OCLN: variants seen among roughly 807,000 people sequenced by gnomAD.
OCLN encodes the protein occludin.
Under a neutral mutation model 47.9 loss-of-function variants are expected in OCLN, and 21 were observed. The ratio of observed to expected loss-of-function variants is 0.44; its 90% confidence interval spans 0.31 to 0.63. The LOEUF (loss-of-function observed/expected upper bound fraction) is 0.63, where lower values mean the gene tolerates loss of function less well. Ranked by LOEUF, OCLN falls within the 30% of genes least tolerant of loss-of-function variation. The probability of loss-of-function intolerance (pLI) is 0.08; values close to 1 mark genes in which losing one functional copy is unlikely to be tolerated. For synonymous variants in OCLN, 117 were observed against 198.4 expected (o/e 0.59, Z 3.45); for missense variants, 360 against 571.0 (o/e 0.63, Z 3.77).
chr5:69,496,214 T>C (rs1334693968), intron 1 of OCLN, among the ~76,000 whole-genome samples: 1 of 151,906 alleles, frequency 6.6e-6, no homozygotes, highest in Non-Finnish European at 1.5e-5. Context: ...TTCTCCTGCC[T>C]CGGCCTCCCG....
chr5:69,495,227 A>G (rs920747518), intron 1 of OCLN, among the ~76,000 whole-genome samples: 1 of 152,194 alleles, frequency 6.6e-6, no homozygotes, highest in Non-Finnish European at 1.5e-5. Context: ...TGGAAATAAG[A>G]GAGTAAACAG....
chr5:69,506,112 T>G (rs1768592041), intron 2 of OCLN, among the ~76,000 whole-genome samples: 2 of 152,124 alleles, frequency 1.3e-5, no homozygotes, highest in Non-Finnish European at 2.9e-5. Flanking sequence ...CTTGCAGAAC[T>G]CAGGGAAACA....
chr5:69,501,354 G>T (rs1768453926), intron 1 of OCLN, among the ~76,000 whole-genome samples: 1 of 152,204 alleles, frequency 6.6e-6, no homozygotes, highest in African/African-American at 2.4e-5. Context: ...AATTGGCCAG[G>T]TGTATTGGCT....
At chr5:69,494,035 G>C (rs919049274) in intron 1 of OCLN, among the ~76,000 whole-genome samples, 1 of 152,234 alleles carries the variant, frequency 6.6e-6, no homozygotes, top group Non-Finnish European at 1.5e-5. Context: ...TTAGGCAACA[G>C]GTGTATTATT....
At chr5:69,520,115 T>C (rs555448266) in intron 4 of OCLN, among the ~76,000 whole-genome samples, 77 of 151,914 alleles carry the variant, frequency 5.1e-4, no homozygotes, top group African/African-American at 1.8e-3. Flanking sequence ...CCTGCCACCA[T>C]GTGCAGCTAC....
At chr5:69,497,016 C>T (rs1768311782) in intron 1 of OCLN, among the ~76,000 whole-genome samples, 2 of 152,212 alleles carry the variant, frequency 1.3e-5, no homozygotes, top group Admixed American at 1.3e-4. Context: ...CATTGGTCCT[C>T]TTTCACCTTT....
chr5:69,522,921 GT>G lies in OCLN; in HGVS notation c.891+8814del, dbSNP rs1389806911. On this transcript the variant is annotated intron_variant, in intron 4 of 8. Transcript: ENST00000396442. ...TTTTTTTTTTTAAAGTAGAGACAGAGTTCGCTATGTCGCCCAGGCTATTCTT... is the reference window on the plus strand; with the variant it reads ...TTTTTTTTTTTAAAGTAGAGACAGAGTCGCTATGTCGCCCAGGCTATTCTT... Among the ~76,000 whole-genome samples, 3 of 34,788 alleles carry G rather than the reference GT, an allele frequency of 8.6e-5. No individual in the cohort carries two copies. The East Asian group carries it at 1.9e-3, about 23-fold the overall frequency. 22.8% of individuals were successfully genotyped at this position (34,788 alleles called of 152,430 possible). A position where few individuals can be genotyped will look rare whatever the true frequency, so the allele number is the denominator to read the frequency against.
At chr5:69,504,318 T>G in intron 2 of OCLN, 24 bp downstream of exon 2, 1 of 1,440,258 alleles carries the variant, frequency 6.9e-7, no homozygotes, top group Non-Finnish European at 9.8e-7. Flanking sequence ...TCTTTAGTTA[T>G]TCTCTTTTAA....
chr5:69,529,894 G>A (rs138877569), intron 4 of OCLN, among the ~76,000 whole-genome samples: 6 of 152,122 alleles, frequency 3.9e-5, no homozygotes, highest in Admixed American at 1.3e-4. Flanking sequence ...ATGAGCTACC[G>A]CACCTGGCCT....
intron 3 of OCLN, among the ~76,000 whole-genome samples, chr5:69,512,524 AT>A (rs1768816807): frequency 6.6e-6 from 1 of 152,158 alleles, no homozygotes; most frequent in East Asian, 1.9e-4. Flanking sequence ...TTTTGGCTAG[AT>A]TCTGGATTCC....
chr5:69,509,093 TTAC>T (rs1254173720), intron 2 of OCLN, 45 bp from the exon 3 acceptor site: 2 of 1,496,310 alleles, frequency 1.3e-6, no homozygotes, highest in African/African-American at 2.7e-5. Flanking sequence ...TTCTTTCTGC[TTAC>T]TACCAAAAAA....
intron 1 of OCLN, among the ~76,000 whole-genome samples, chr5:69,503,141 T>C (rs1768506115): frequency 6.6e-6 from 1 of 152,160 alleles, no homozygotes; most frequent in Non-Finnish European, 1.5e-5. Context: ...CTGATGAATG[T>C]TAGTTTCCTT....
At position 69,504,276 on chromosome 5, in the gene OCLN, C is replaced by CTG; in HGVS notation, c.33_34insGT (p.Tyr12ValfsTer54). 1 of 1,603,338 alleles carries CTG rather than the reference C, an allele frequency of 6.2e-7. No homozygotes were observed. Among genetic ancestry groups the CTG allele is most frequent in the Non-Finnish European group, 8.5e-7 (1 of 1,170,256 alleles). ...TCCAGGCCTCTTGAAAGTCCACCTC[C>CTG]TTACAGGCCTGATGAATTGTAAGTA... On this transcript the variant is annotated frameshift_variant, in exon 2 of 9. Transcript: ENST00000396442. LOFTEE classifies it high-confidence loss of function.
At chr5:69,498,637 A>AACATATAAATCTTT in intron 1 of OCLN, among the ~76,000 whole-genome samples, 1 of 152,140 alleles carries the variant, frequency 6.6e-6, no homozygotes, top group Non-Finnish European at 1.5e-5. Flanking sequence ...GTTATAAAAT[A>AACATATAAATCTTT]GCTTTGTATT....
At chr5:69,549,508 A>G (rs565945554) in intron 7 of OCLN, among the ~76,000 whole-genome samples, 3,681 of 145,408 alleles carry the variant, frequency 0.025, 68 homozygotes, top group Non-Finnish European at 0.038. Flanking sequence ...TTAAGGAAAC[A>G]TCATCTTCCA....
At chr5:69,534,067 T>C (rs1387082305) in intron 4 of OCLN, among the ~76,000 whole-genome samples, 3 of 148,282 alleles carry the variant, frequency 2.0e-5, no homozygotes, top group African/African-American at 7.5e-5. Flanking sequence ...TTGTGTGATA[T>C]ATTGTGTAGG....
chr5:69,493,081 G>C lies in OCLN; in HGVS notation c.-69+181G>C, dbSNP rs922729473. On this transcript the variant is annotated intron_variant, in intron 1 of 8. Coordinates refer to ENST00000396442, the MANE Select transcript of OCLN (RefSeq NM_001205254.2). This position sits in a 1 kb window ranked among gnomAD's most constrained non-coding sequence, Gnocchi z 5.3. ...GAGGCGCGGGTCTGCGGAGAGAGCAGCACCGGCCAACTTGGGAGGCTGCCT... is the reference window on the plus strand; with the variant it reads ...GAGGCGCGGGTCTGCGGAGAGAGCACCACCGGCCAACTTGGGAGGCTGCCT... Among the ~76,000 whole-genome samples the C allele has an allele frequency of 2.0e-5, 3 of 152,202 alleles. No homozygotes were observed. Among genetic ancestry groups the C allele is most frequent in the South Asian group, 2.1e-4 (1 of 4,834 alleles).
intron 3 of OCLN, among the ~76,000 whole-genome samples, chr5:69,510,867 GA>G (rs1055657080): frequency 6.6e-6 from 1 of 152,144 alleles, no homozygotes; most frequent in Non-Finnish European, 1.5e-5. Flanking sequence ...ATTCACATCA[GA>G]AATGTATGAA....
Position 69,523,021 on chromosome 5 carries a change from CA to C in OCLN, c.891+8913del, listed in dbSNP as rs1444546753. Among the ~76,000 whole-genome samples, 6 of 151,792 alleles carry C rather than the reference CA, an allele frequency of 4.0e-5. No homozygotes were observed. The East Asian group carries it at 1.2e-3, about 29-fold the overall frequency. ...GGGATTACAGGTGTGAGCCACTACC[CA>C]CAGTGCAGCTAGTTGTCCCTATTGT... On this transcript the variant is annotated intron_variant, in intron 4 of 8. Coordinates refer to ENST00000396442, the MANE Select transcript of OCLN (RefSeq NM_001205254.2).
Sources: allele counts gnomAD v4.1 joint callset (sites outside exome capture counted in the v4.1 genomes callset), GRCh38; gene constraint gnomAD v4.1.1; non-coding constraint Gnocchi (gnomAD v3.1); transcripts MANE v1.5; gene names NCBI Gene and HGNC (gene_info 2026-07-23, HGNC 2026-07-21).